The following ASB7 variants were observed in gnomAD, a reference collection of about 807,000 sequenced individuals.
The protein encoded by ASB7 is ankyrin repeat and SOCS box protein 7.
Under a neutral mutation model 32.5 loss-of-function variants are expected in ASB7, and 4 were observed. That is an observed-to-expected ratio of 0.12 (90% CI 0.06 to 0.28). The LOEUF (loss-of-function observed/expected upper bound fraction) is 0.28. ASB7 is among the 10% of genes least tolerant of loss of function. The pLI is 1.00. For missense variants in ASB7, 181 were observed against 407.1 expected, an observed-to-expected ratio of 0.44 and a Z score of 4.78; for synonymous variants, 172 against 155.6, an observed-to-expected ratio of 1.11 and a Z score of -0.78.
chr15:100,620,621 A>T (rs2039782899), intron 4 of ASB7, among the ~76,000 whole-genome samples: 1 of 151,498 alleles, frequency 6.6e-6, no homozygotes, highest in Non-Finnish European at 1.5e-5. Context: ...TGCATATAAT[A>T]GCACGTCTGT....
At chr15:100,634,825 A>C (rs2039910616) in intron 5 of ASB7, among the ~76,000 whole-genome samples, 1 of 152,128 alleles carries the variant, frequency 6.6e-6, no homozygotes, top group Non-Finnish European at 1.5e-5. Context: ...AGAAAGAAAG[A>C]AATAGTAGCT....
chr15:100,625,763 A>G (rs758009492), intron 4 of ASB7, among the ~76,000 whole-genome samples: 1 of 152,226 alleles, frequency 6.6e-6, no homozygotes, highest in Non-Finnish European at 1.5e-5. Flanking sequence ...GCTACCTGCT[A>G]TTAAAACTTA....
At chr15:100,646,112 A>G in intron 5 of ASB7, 1 of 395,624 alleles carries the variant, frequency 2.5e-6, no homozygotes, top group Non-Finnish European at 5.0e-6. Flanking sequence ...CTTGGGCAGC[A>G]GCATAGGGTT....
chr15:100,645,475 C>A (rs535622595), intron 5 of ASB7: 2 of 533,132 alleles, frequency 3.8e-6, no homozygotes, highest in Admixed American at 2.5e-5. Flanking sequence ...CTCCTCCACT[C>A]GGAAGGAGCC....
chr15:100,645,769 A>C (rs770453892), intron 5 of ASB7: 1 of 1,578,540 alleles, frequency 6.3e-7, no homozygotes, highest in Non-Finnish European at 8.7e-7. Flanking sequence ...GAGAATAGGA[A>C]ATACAATTAA....
Position 100,613,114 on chromosome 15 carries a change from G to A in ASB7, c.211+687G>A, listed in dbSNP as rs146080297. Among the ~76,000 whole-genome samples the A allele has an allele frequency of 4.8e-3, 727 of 152,270 alleles. 3 individuals are homozygous for A. Among genetic ancestry groups the A allele is most frequent in the African/African-American group, 0.016 (684 of 41,564 alleles). ...CAGCCTACTTTATTTTCCTAGAGAT[G>A]GGTTTTTTATATATTTGATCATGTA... On this transcript the variant is annotated intron_variant, in intron 4 of 5. Transcript: ENST00000332783.
At chr15:100,616,335 G>A (rs949435186) in intron 4 of ASB7, among the ~76,000 whole-genome samples, 1 of 151,714 alleles carries the variant, frequency 6.6e-6, no homozygotes, top group African/African-American at 2.4e-5. Context: ...TTTTGTTGTC[G>A]GGCAGAAGTC....
In ASB7 at chr15:100,649,266, A is replaced by G. The variant is rs2040015658; in HGVS notation, c.*804A>G. ...ATACTCCTTCTGGTGTATTTTATCC[A>G]TTATTTCACTTGCTGGTCGTCATTT... On this transcript the variant is annotated 3_prime_UTR_variant, in exon 6 of 6. Coordinates refer to ENST00000332783, the MANE Select transcript of ASB7 (RefSeq NM_198243.3). 6.6e-6 allele frequency: 1 copy of G among 152,198 alleles called. No individual in the cohort carries two copies. Among genetic ancestry groups the G allele is most frequent in the Admixed American group, 6.5e-5 (1 of 15,268 alleles). The allele number at this position is 152,198 out of a possible 1,614,324, so 9.4% of individuals were successfully genotyped here.
chr15:100,643,687 G>A (rs2039978016), intron 5 of ASB7, among the ~76,000 whole-genome samples: 1 of 150,772 alleles, frequency 6.6e-6, no homozygotes, highest in Non-Finnish European at 1.5e-5. Flanking sequence ...TAGAGACGGG[G>A]TTTCACCATG....
intron 4 of ASB7, among the ~76,000 whole-genome samples, chr15:100,615,280 A>G (rs184233277): frequency 6.6e-6 from 1 of 152,198 alleles, no homozygotes; most frequent in African/African-American, 2.4e-5. Context: ...CTTTATTGAG[A>G]TGTAATTCAC....
intron 3 of ASB7, 103 bp downstream of exon 3, chr15:100,609,931 C>G (rs2039680686): frequency 6.6e-6 from 1 of 152,216 alleles, no homozygotes; most frequent in Non-Finnish European, 1.5e-5. Context: ...AAATACACCA[C>G]TCACTAAAGA....
Position 100,629,276 on chromosome 15 carries a change from C to A in ASB7, c.212-161C>A, listed in dbSNP as rs749634079. ...TACAAAATTTATTTTCCATTAAAAC[C>A]AGACTTGAATTAAACTGAGGAAAAA... On this transcript the variant is annotated intron_variant, in intron 4 of 5. Coordinates refer to ENST00000332783, the MANE Select transcript of ASB7 (RefSeq NM_198243.3). The surrounding 1 kb of genome is among the most constrained non-coding windows in gnomAD (Gnocchi z 6.8). 2.0e-5 allele frequency among the ~76,000 whole-genome samples: 3 copies of A among 152,170 alleles called. No individual in the cohort carries two copies. Among genetic ancestry groups the A allele is most frequent in the East Asian group, 1.9e-4 (1 of 5,186 alleles).
intron 5 of ASB7, among the ~76,000 whole-genome samples, chr15:100,630,547 A>G (rs1277902032): frequency 6.6e-6 from 1 of 152,184 alleles, no homozygotes; most frequent in Non-Finnish European, 1.5e-5. Context: ...GGTGCTGTGT[A>G]TTTAGGGATA....
At chr15:100,613,755 TA>T (rs2039716983) in intron 4 of ASB7, among the ~76,000 whole-genome samples, 1 of 152,188 alleles carries the variant, frequency 6.6e-6, no homozygotes, top group South Asian at 2.1e-4. Flanking sequence ...AGCCTTACTT[TA>T]AAAAAAGTTA....
intron 4 of ASB7, among the ~76,000 whole-genome samples, chr15:100,620,919 G>A (rs546495298): frequency 6.6e-6 from 1 of 152,270 alleles, no homozygotes; most frequent in East Asian, 1.9e-4. Flanking sequence ...ATCCCCAGAG[G>A]AACCTGAGAA....
chr15:100,644,324 A>G (rs1254895935), intron 5 of ASB7, among the ~76,000 whole-genome samples: 1 of 152,284 alleles, frequency 6.6e-6, no homozygotes, highest in Non-Finnish European at 1.5e-5. Context: ...AAGAAGATTC[A>G]CATGTAATTC....
At chr15:100,637,114 A>G (rs945101572) in intron 5 of ASB7, among the ~76,000 whole-genome samples, 1 of 152,200 alleles carries the variant, frequency 6.6e-6, no homozygotes, top group African/African-American at 2.4e-5. Flanking sequence ...GTTCTGTGGG[A>G]TGGAAATGGC....
At position 100,612,206 on chromosome 15, in the gene ASB7, A is replaced by T; in HGVS notation, c.-11A>T. On this transcript the variant is annotated 5_prime_UTR_variant, in exon 4 of 6. Transcript: ENST00000332783. ...CTAATGAATCCTTTGTAAAAAGTGG[A>T]CTCAGCTAGGATGTTACACCATCAT... The T allele has an allele frequency of 6.2e-7, 1 of 1,605,740 alleles. No homozygotes were observed. Among genetic ancestry groups the T allele is most frequent in the East Asian group, 2.2e-5 (1 of 44,836 alleles).
intron 5 of ASB7, among the ~76,000 whole-genome samples, chr15:100,637,833 A>G (rs553473409): frequency 3.3e-5 from 5 of 152,244 alleles, no homozygotes; most frequent in Non-Finnish European, 7.3e-5. Flanking sequence ...GTAACAGATG[A>G]AATGCAGAAG....
Sources: allele counts gnomAD v4.1 joint callset (sites outside exome capture counted in the v4.1 genomes callset), GRCh38; gene constraint gnomAD v4.1.1; non-coding constraint Gnocchi (gnomAD v3.1); transcripts MANE v1.5; gene names NCBI Gene and HGNC (gene_info 2026-07-23, HGNC 2026-07-21).